Variants in CTNND1 observed in about 807,000 individuals in gnomAD.
The protein encoded by CTNND1 is catenin delta-1.
CTNND1 carries 16 observed loss-of-function variants against 112.1 expected under a neutral mutation model. The observed-to-expected ratio is 0.14, with a 90% CI of 0.10 to 0.22. CTNND1 has a LOEUF of 0.22. CTNND1 is among the 10% of genes least tolerant of loss of function. The pLI, the probability that CTNND1 is intolerant of heterozygous loss-of-function variation, is 1.00. For missense variants in CTNND1, 1,008 were observed against 1,257.0 expected (o/e 0.80, Z 3.00); for synonymous variants, 420 against 446.5 (o/e 0.94, Z 0.75).
chr11:57,772,882 C>T (rs1953055630), intron 1 of CTNND1, among the ~76,000 whole-genome samples: 1 of 152,072 alleles, frequency 6.6e-6, no homozygotes, highest in Admixed American at 6.6e-5. Flanking sequence ...GTCTCCTCCT[C>T]TCTCTTTGGA....
intron 17 of CTNND1, 64 bp from the exon 18 acceptor site, chr11:57,814,247 T>G (rs2063698631): frequency 1.6e-6 from 2 of 1,230,778 alleles, no homozygotes; most frequent in African/African-American, 1.5e-5. Flanking sequence ...GAGAGCAATT[T>G]TCATGATGTG....
rs759250456 is a variant in CTNND1, at chr11:57,788,574, G to C, written c.-213-463G>C. 1.3e-5 allele frequency among the ~76,000 whole-genome samples: 2 copies of C among 152,178 alleles called. No individual in the cohort carries two copies. The highest frequency in any genetic ancestry group is 2.9e-5 in the Non-Finnish European group (2 of 68,042). On this transcript the variant is annotated intron_variant, in intron 1 of 20. Transcript: ENST00000399050. The surrounding 1 kb of genome is among the most constrained non-coding windows in gnomAD (Gnocchi z 4.1). ...GAACTGAAGCAAAAGGCTCAGCCTAGGCTAGTCCCCACATGTCTTCCCCAC... is the reference window on the plus strand; with the variant it reads ...GAACTGAAGCAAAAGGCTCAGCCTACGCTAGTCCCCACATGTCTTCCCCAC...
intron 1 of CTNND1, among the ~76,000 whole-genome samples, chr11:57,769,853 T>C (rs1952113915): frequency 6.6e-6 from 1 of 152,226 alleles, no homozygotes; most frequent in Non-Finnish European, 1.5e-5. Flanking sequence ...AGATTGGTTT[T>C]ATCTTTGATT....
intron 1 of CTNND1, among the ~76,000 whole-genome samples, chr11:57,764,439 G>C (rs915675825): frequency 2.0e-5 from 3 of 152,166 alleles, no homozygotes; most frequent in Admixed American, 1.3e-4. Context: ...GGATGAATGA[G>C]ATAGGATGGA....
intron 15 of CTNND1, 100 bp downstream of exon 15, chr11:57,809,566 G>C: frequency 2.0e-6 from 2 of 1,007,998 alleles, no homozygotes; most frequent in South Asian, 3.3e-5. Context: ...CCTTATTTAC[G>C]TGTAATGTGT....
At chr11:57,789,488 A>C (rs1160409286) in intron 2 of CTNND1, among the ~76,000 whole-genome samples, 5 of 152,192 alleles carry the variant, frequency 3.3e-5, no homozygotes, top group African/African-American at 4.8e-5. Flanking sequence ...TATTGTATAG[A>C]TAGCACACAT....
intron 15 of CTNND1, 30 bp downstream of exon 15, chr11:57,809,496 A>ATTCTTTTGACTGT: frequency 6.3e-7 from 1 of 1,575,346 alleles, no homozygotes; most frequent in Non-Finnish European, 8.6e-7. Context: ...TTACAGTCAA[A>ATTCTTTTGACTGT]AGAATTTGAG....
intron 7 of CTNND1, among the ~76,000 whole-genome samples, chr11:57,802,426 G>A (rs2062096048): frequency 6.6e-6 from 1 of 152,150 alleles, no homozygotes; most frequent in Non-Finnish European, 1.5e-5. Flanking sequence ...CCAGATTCTT[G>A]GCTTCTATTA....
At chr11:57,795,257 A>G (rs2061240630) in intron 4 of CTNND1, among the ~76,000 whole-genome samples, 1 of 152,228 alleles carries the variant, frequency 6.6e-6, no homozygotes, top group Non-Finnish European at 1.5e-5. Flanking sequence ...TCACTCAGAT[A>G]TAGATGAAAC....
chr11:57,761,835 TTTGGC>T lies in CTNND1; in HGVS notation c.-496_-492del. The T allele has an allele frequency of 1.0e-6, 1 of 985,226 alleles. No homozygotes were observed. Among genetic ancestry groups the T allele is most frequent in the Non-Finnish European group, 1.2e-6 (1 of 829,912 alleles). 61.0% of individuals were successfully genotyped at this position (985,226 alleles called of 1,614,324 possible). A position where few individuals can be genotyped will look rare whatever the true frequency, so the allele number is the denominator to read the frequency against. On this transcript the variant is annotated 5_prime_UTR_variant, in exon 1 of 21. Coordinates refer to ENST00000399050, the MANE Select transcript of CTNND1 (RefSeq NM_001085458.2). ...TTGTCACCACCCAGGCTCCCTTGCC[TTTGGC>T]TGGGTGCAACTTCCATTTTAGGTGT...
intron 17 of CTNND1, 68 bp from the exon 18 acceptor site, chr11:57,814,243 A>G: frequency 8.7e-7 from 1 of 1,148,386 alleles, no homozygotes; most frequent in Non-Finnish European, 1.3e-6. Context: ...ACCAGAGAGC[A>G]ATTTTCATGA....
chr11:57,802,740 T>A (rs533112278), intron 7 of CTNND1, among the ~76,000 whole-genome samples: 17 of 152,362 alleles, frequency 1.1e-4, no homozygotes, highest in Non-Finnish European at 2.2e-4. Context: ...TGGGTTGTGA[T>A]CTATTTGTGT....
chr11:57,816,438 C>T lies in CTNND1; in HGVS notation c.*130C>T. 1 of 1,141,194 alleles carries T rather than the reference C, an allele frequency of 8.8e-7. No homozygotes were observed. The highest frequency in any genetic ancestry group is 1.3e-6 in the Non-Finnish European group (1 of 772,200). The allele number at this position is 1,141,194 out of a possible 1,614,324, so 70.7% of individuals were successfully genotyped here. ...CCAGGCTGCCTCCTGCCCTTACAGC[C>T]CTAAGTGGCTGCCTTCTTTCCATCA... is the stretch of plus-strand genomic sequence containing the variant. On this transcript the variant is annotated 3_prime_UTR_variant, in exon 21 of 21. Coordinates refer to ENST00000399050, the MANE Select transcript of CTNND1 (RefSeq NM_001085458.2).
In CTNND1 at chr11:57,801,805, G is replaced by A; in HGVS notation, c.1029G>A (p.Glu343=). 1.2e-6 allele frequency: 2 copies of A among 1,614,036 alleles called. No homozygotes were observed. Among genetic ancestry groups the A allele is most frequent in the South Asian group, 1.1e-5 (1 of 91,086 alleles). ...ACTGGGCTCCTTTGGCCCAGCATGA[G>A]CGAGGAAGTTTAGCAAGCTTGGATA... ...QYYWAPLAQH[E]RGSLASLDSL... Residue 343 remains glutamate (E), a synonymous_variant, in exon 7 of 21, where the codon GAG becomes GAA. Coordinates refer to ENST00000399050, the MANE Select transcript of CTNND1 (RefSeq NM_001085458.2).
intron 18 of CTNND1, among the ~76,000 whole-genome samples, chr11:57,814,771 C>T (rs2063763409): frequency 6.6e-6 from 1 of 152,062 alleles, no homozygotes; most frequent in South Asian, 2.1e-4. Flanking sequence ...GTATGTCCTT[C>T]CCTTTTGTCT....
chr11:57,814,072 T>C (rs970828334), intron 17 of CTNND1: 1 of 462,390 alleles, frequency 2.2e-6, no homozygotes, highest in Non-Finnish European at 3.9e-6. Flanking sequence ...CCCAGTACTT[T>C]GGGAGACTGA....
Position 57,817,630 on chromosome 11 carries a change from A to G in CTNND1, c.*1322A>G, listed in dbSNP as rs139535448. ...ATGGGTGGGATTTTGCAAAAATCCTATTCTGATGAATCTCAAAGTAAGGCT... is the reference window on the plus strand; with the variant it reads ...ATGGGTGGGATTTTGCAAAAATCCTGTTCTGATGAATCTCAAAGTAAGGCT... On this transcript the variant is annotated 3_prime_UTR_variant, in exon 21 of 21. Coordinates refer to ENST00000399050, the MANE Select transcript of CTNND1 (RefSeq NM_001085458.2). The G allele has an allele frequency of 2.0e-5, 3 of 152,616 alleles. No individual in the cohort carries two copies. Among genetic ancestry groups the G allele is most frequent in the East Asian group, 3.8e-4 (2 of 5,200 alleles). The allele number at this position is 152,616 out of a possible 1,614,324, so 9.5% of individuals were successfully genotyped here. A position where few individuals can be genotyped will look rare whatever the true frequency, so the allele number is the denominator to read the frequency against.
chr11:57,814,462 C>G, intron 18 of CTNND1, 89 bp downstream of exon 18: 1 of 933,928 alleles, frequency 1.1e-6, no homozygotes, highest in Middle Eastern at 2.1e-4. Context: ...TTTCTAATAC[C>G]CTTACCATTT....
chr11:57,769,514 C>G (rs1038316762), intron 1 of CTNND1, among the ~76,000 whole-genome samples: 1 of 152,056 alleles, frequency 6.6e-6, no homozygotes, highest in Non-Finnish European at 1.5e-5. Context: ...TTTATTTTAC[C>G]TATAATTTCT....
Sources: allele counts gnomAD v4.1 joint callset (sites outside exome capture counted in the v4.1 genomes callset), GRCh38; gene constraint gnomAD v4.1.1; non-coding constraint Gnocchi (gnomAD v3.1); transcripts MANE v1.5; gene names NCBI Gene and HGNC (gene_info 2026-07-23, HGNC 2026-07-21).